Variants in RABGAP1L observed in about 807,000 individuals in gnomAD.
The protein encoded by RABGAP1L is rab GTPase-activating protein 1-like.
Under a neutral mutation model 137.7 loss-of-function variants are expected in RABGAP1L, and 63 were observed. That is an observed-to-expected ratio of 0.46 (90% CI 0.37 to 0.56). The LOEUF is 0.56. RABGAP1L is among the 20% of genes least tolerant of loss of function. RABGAP1L has a pLI of 0.00. For missense variants in RABGAP1L, 1,095 were observed against 1,244.0 expected (o/e 0.88, Z 1.80); for synonymous variants, 431 against 433.7 (o/e 0.99, Z 0.08).
intron 13 of RABGAP1L, among the ~76,000 whole-genome samples, chr1:174,442,934 T>A (rs116474146): frequency 0.015 from 2,232 of 152,208 alleles, 44 homozygotes; most frequent in African/African-American, 0.05. Flanking sequence ...AAGATCAACT[T>A]TTTTATCTCC....
intron 13 of RABGAP1L, among the ~76,000 whole-genome samples, chr1:174,540,922 A>G (rs1009407498): frequency 9.2e-5 from 14 of 152,236 alleles, no homozygotes; most frequent in Non-Finnish European, 1.8e-4. Flanking sequence ...ATTCCTATCC[A>G]CGAGCATGGG....
chr1:174,610,451 A>G (rs1202765170), intron 13 of RABGAP1L, among the ~76,000 whole-genome samples: 1 of 151,626 alleles, frequency 6.6e-6, no homozygotes, highest in East Asian at 1.9e-4. Context: ...AATCCAGTCT[A>G]TCATTGTTGG....
chr1:174,186,394 T>C (rs74128317), intron 1 of RABGAP1L, among the ~76,000 whole-genome samples: 1,864 of 152,294 alleles, frequency 0.012, 48 homozygotes, highest in African/African-American at 0.043. Flanking sequence ...TCTGGGTGAT[T>C]TGGCAATGTT....
At chr1:174,533,663 GT>G (rs1664635224) in intron 13 of RABGAP1L, among the ~76,000 whole-genome samples, 2 of 151,438 alleles carry the variant, frequency 1.3e-5, no homozygotes, top group East Asian at 3.9e-4. Context: ...CGAAATACGT[GT>G]TTTTGTTTTT....
chr1:174,763,435 G>T (rs992892824), intron 18 of RABGAP1L, among the ~76,000 whole-genome samples: 4 of 150,990 alleles, frequency 2.6e-5, no homozygotes, highest in Middle Eastern at 3.2e-3. Context: ...CGGATCACGA[G>T]GTCAGGAGAT....
intron 17 of RABGAP1L, among the ~76,000 whole-genome samples, chr1:174,737,657 C>A (rs765060600): frequency 6.6e-6 from 1 of 152,090 alleles, no homozygotes; most frequent in African/African-American, 2.4e-5. Flanking sequence ...TATGTTACAC[C>A]ATTTTTGCAC....
intron 19 of RABGAP1L, among the ~76,000 whole-genome samples, chr1:174,909,126 C>T (rs1490805924): frequency 6.7e-6 from 1 of 149,890 alleles, no homozygotes; most frequent in Admixed American, 6.7e-5. Flanking sequence ...TTGCAGTGAG[C>T]CAAGATCGCG....
At chr1:174,662,157 G>A (rs1434136502) in intron 14 of RABGAP1L, among the ~76,000 whole-genome samples, 1 of 134,092 alleles carries the variant, frequency 7.5e-6, no homozygotes, top group Non-Finnish European at 1.5e-5. Flanking sequence ...AGGCTGTAGT[G>A]CAATGTCGCA....
At chr1:174,422,312 G>T (rs1388493625) in intron 13 of RABGAP1L, among the ~76,000 whole-genome samples, 1 of 151,822 alleles carries the variant, frequency 6.6e-6, no homozygotes, top group Non-Finnish European at 1.5e-5. Flanking sequence ...TGCCTATTGG[G>T]TAAGAATTGT....
chr1:174,627,497 A>T (rs1466883498), intron 13 of RABGAP1L, among the ~76,000 whole-genome samples: 1 of 152,224 alleles, frequency 6.6e-6, no homozygotes, highest in African/African-American at 2.4e-5. Flanking sequence ...TACTCTTGAT[A>T]ACAGGCACTA....
rs189628855 is a variant in RABGAP1L at position 174,896,394 on chromosome 1, A to G, written c.2341-61063A>G. Among the ~76,000 whole-genome samples, 107 of 152,172 alleles carry G rather than the reference A, an allele frequency of 7.0e-4. 1 individual carries two copies. The highest frequency in any genetic ancestry group is 2.4e-3 in the African/African-American group (98 of 41,522). On this transcript the variant is annotated intron_variant, in intron 19 of 25. Transcript: ENST00000681986. ...TTTTCTCCCATTCTGTGGGTTGCCTATTCACTCTGATGATAGTTTCTTCTG... is the reference window on the plus strand; with the variant it reads ...TTTTCTCCCATTCTGTGGGTTGCCTGTTCACTCTGATGATAGTTTCTTCTG...
intron 19 of RABGAP1L, among the ~76,000 whole-genome samples, chr1:174,890,221 G>A (rs1337402106): frequency 6.6e-6 from 1 of 152,192 alleles, no homozygotes; most frequent in African/African-American, 2.4e-5. Flanking sequence ...GTAAACAGCC[G>A]TGTATGAGTC....
chr1:174,614,406 C>T (rs547844307), intron 13 of RABGAP1L, among the ~76,000 whole-genome samples: 75 of 152,156 alleles, frequency 4.9e-4, no homozygotes, highest in Non-Finnish European at 9.3e-4. Flanking sequence ...TCTGGCTTCC[C>T]CCACTCTCTT....
intron 20 of RABGAP1L, among the ~76,000 whole-genome samples, chr1:174,963,468 G>A (rs1033030702): frequency 6.6e-6 from 1 of 152,010 alleles, no homozygotes; most frequent in Admixed American, 6.6e-5. Flanking sequence ...TATGCTTTAG[G>A]AACACTAAGA....
intron 14 of RABGAP1L, among the ~76,000 whole-genome samples, chr1:174,681,353 G>A (rs545701780): frequency 6.6e-6 from 1 of 152,298 alleles, no homozygotes; most frequent in Non-Finnish European, 1.5e-5. Flanking sequence ...ATATATTCAT[G>A]CTACTCAGCA....
At chr1:174,780,068 CAATAAATAAATA>C (rs367683847) in intron 18 of RABGAP1L, among the ~76,000 whole-genome samples, 2,711 of 92,274 alleles carry the variant, frequency 0.029, 54 homozygotes, top group African/African-American at 0.061. Context: ...CTCCATCTTA[CAATAAATAAATA>C]AATAAATAAA....
chr1:174,231,396 T>G (rs1258670377), intron 4 of RABGAP1L, 41 bp downstream of exon 4: 2 of 1,556,448 alleles, frequency 1.3e-6, no homozygotes, highest in Non-Finnish European at 1.8e-6. Context: ...ATATTAAGTC[T>G]TTTGGGTGGT....
At chr1:174,980,909 GT>G (rs370748304) in intron 23 of RABGAP1L, among the ~76,000 whole-genome samples, 72 of 143,754 alleles carry the variant, frequency 5.0e-4, no homozygotes, top group Admixed American at 6.3e-4. Context: ...AGTTTTTTTT[GT>G]TTTTTTTTTT....
At position 174,349,439 on chromosome 1, in the gene RABGAP1L, G is replaced by A. The variant is rs1391206862; in HGVS notation, c.1466-21540G>A. 6.0e-5 allele frequency among the ~76,000 whole-genome samples: 8 copies of A among 133,100 alleles called. No individual in the cohort carries two copies. In the East Asian group the frequency reaches 7.6e-4, roughly 13 times the overall value. The allele number at this position is 133,100 out of a possible 152,430, so 87.3% of individuals were successfully genotyped here. A position where few individuals can be genotyped will look rare whatever the true frequency, so the allele number is the denominator to read the frequency against. ...CCCCCACCTCCCTCCCGGACGAGGCGGCTGGCCGGGCGTGGGGCTGACCCC... is the reference window on the plus strand; with the variant it reads ...CCCCCACCTCCCTCCCGGACGAGGCAGCTGGCCGGGCGTGGGGCTGACCCC... On this transcript the variant is annotated intron_variant, in intron 11 of 25. Coordinates refer to ENST00000681986, the MANE Select transcript of RABGAP1L (RefSeq NM_001366446.1).
Sources: gnomAD v4.1 joint callset for allele counts (sites outside exome capture counted in the v4.1 genomes callset) on GRCh38, gnomAD v4.1.1 for gene constraint, MANE v1.5 for transcripts, NCBI Gene and HGNC (gene_info 2026-07-23, HGNC 2026-07-21) for gene names.